Variants in MEGF10 observed in about 807,000 individuals in gnomAD.
MEGF10 encodes the protein multiple epidermal growth factor-like domains protein 10.
In MEGF10, 86 loss-of-function variants were observed where a neutral mutation model predicts 147.5. The ratio of observed to expected loss-of-function variants is 0.58; its 90% CI spans 0.49 to 0.70. The LOEUF is 0.70. Ranked by LOEUF, MEGF10 falls within the 30% of genes least tolerant of loss-of-function variation. The probability of loss-of-function intolerance (pLI) is 0.00; values close to 1 mark genes in which losing one functional copy is unlikely to be tolerated. For missense variants in MEGF10, 1,329 were observed against 1,487.3 expected, an observed-to-expected ratio of 0.89 and a Z score of 1.75; for synonymous variants, 478 against 525.5, an observed-to-expected ratio of 0.91 and a Z score of 1.24.
intron 24 of MEGF10, among the ~76,000 whole-genome samples, chr5:127,456,774 C>T (rs11743942): frequency 0.032 from 4,939 of 152,224 alleles, 85 homozygotes; most frequent in Middle Eastern, 0.051. Context: ...ACTGAATTAA[C>T]GTTTGAGAAT....
chr5:127,262,608 A>G, the MEGF10 span, among the ~76,000 whole-genome samples: 1 of 152,160 alleles, frequency 6.6e-6, no homozygotes, highest in Non-Finnish European at 1.5e-5. Context: ...TCCTAAACCT[A>G]TCAAGGATCA....
intron 16 of MEGF10, among the ~76,000 whole-genome samples, chr5:127,437,670 C>T (rs771034751): frequency 8.5e-5 from 13 of 152,190 alleles, no homozygotes; most frequent in East Asian, 1.9e-4. Context: ...TCTCTTCAAT[C>T]GGCAGTGACC....
intron 4 of MEGF10, among the ~76,000 whole-genome samples, chr5:127,354,711 C>T (rs1462571830): frequency 6.6e-6 from 1 of 152,218 alleles, no homozygotes; most frequent in African/African-American, 2.4e-5. Context: ...CTACCTCTGT[C>T]ATTTAAGTGA....
chr5:127,443,212 A>T (rs1765821409), intron 19 of MEGF10, 86 bp downstream of exon 19: 2 of 1,344,024 alleles, frequency 1.5e-6, no homozygotes, highest in South Asian at 3.7e-5. Context: ...CACTTATGTT[A>T]TCCAGCAGAA....
intron 16 of MEGF10, among the ~76,000 whole-genome samples, chr5:127,437,109 C>G (rs1177515769): frequency 6.6e-6 from 1 of 152,130 alleles, no homozygotes; most frequent in African/African-American, 2.4e-5. Context: ...AATGGGTTTA[C>G]AGAAGCTGGT....
the MEGF10 span, among the ~76,000 whole-genome samples, chr5:127,251,743 A>T: frequency 3.0e-4 from 45 of 152,162 alleles, no homozygotes; most frequent in African/African-American, 1.1e-3. Flanking sequence ...AAGAAAGCCT[A>T]TCGAAGTAAG....
intron 4 of MEGF10, among the ~76,000 whole-genome samples, chr5:127,356,769 C>A (rs1170707394): frequency 2.0e-5 from 3 of 152,162 alleles, no homozygotes; most frequent in African/African-American, 7.2e-5. Flanking sequence ...ATGGAATACT[C>A]ATCCTGCAGA....
the MEGF10 span, among the ~76,000 whole-genome samples, chr5:127,239,449 T>C: frequency 1.4e-5 from 2 of 143,896 alleles, no homozygotes; most frequent in Non-Finnish European, 3.0e-5. Context: ...TATATATATA[T>C]ATTATATATA....
intron 13 of MEGF10, among the ~76,000 whole-genome samples, chr5:127,427,120 G>A (rs747584549): frequency 1.3e-5 from 2 of 152,324 alleles, no homozygotes; most frequent in East Asian, 1.9e-4. Context: ...TAGCCCCTTG[G>A]GCAGGGGCTC....
intron 1 of MEGF10, among the ~76,000 whole-genome samples, chr5:127,323,743 G>T (rs1021463059): frequency 1.3e-5 from 2 of 152,206 alleles, no homozygotes; most frequent in African/African-American, 4.8e-5. Flanking sequence ...AGCTTAGCTG[G>T]TGGTTCTAGC....
At chr5:127,269,335 C>G in the MEGF10 span, among the ~76,000 whole-genome samples, 1 of 152,056 alleles carries the variant, frequency 6.6e-6, no homozygotes, top group Non-Finnish European at 1.5e-5. Context: ...AGTTAAAAAC[C>G]TCGAAAAAAT....
At chr5:127,378,359 A>C (rs1242745382) in intron 5 of MEGF10, among the ~76,000 whole-genome samples, 2 of 152,172 alleles carry the variant, frequency 1.3e-5, no homozygotes, top group Non-Finnish European at 2.9e-5. Context: ...CTTACACCAC[A>C]CTTCTTCACA....
At chr5:127,232,864 C>T in the MEGF10 span, among the ~76,000 whole-genome samples, 2 of 151,914 alleles carry the variant, frequency 1.3e-5, no homozygotes, top group South Asian at 2.1e-4. Context: ...GGAAGAAAAG[C>T]GAAATGTCTG....
At chr5:127,366,929 A>G (rs2126854569) in intron 4 of MEGF10, among the ~76,000 whole-genome samples, 1 of 152,354 alleles carries the variant, frequency 6.6e-6, no homozygotes, top group Middle Eastern at 3.4e-3. Flanking sequence ...GGATCCAACC[A>G]TATGCAATTC....
At chr5:127,308,820 A>G (rs1431111328) in intron 1 of MEGF10, among the ~76,000 whole-genome samples, 1 of 152,178 alleles carries the variant, frequency 6.6e-6, no homozygotes, top group African/African-American at 2.4e-5. Flanking sequence ...ATATGTAACT[A>G]AACTGCATGT....
the MEGF10 span, among the ~76,000 whole-genome samples, chr5:127,240,850 A>G: frequency 1.3e-5 from 2 of 152,230 alleles, no homozygotes; most frequent in Non-Finnish European, 2.9e-5. Context: ...ATTCCTCCAA[A>G]TGCATTTAAC....
the MEGF10 span, among the ~76,000 whole-genome samples, chr5:127,262,474 A>C: frequency 6.6e-6 from 1 of 152,186 alleles, no homozygotes; most frequent in Non-Finnish European, 1.5e-5. Context: ...GAGAGTTTAC[A>C]AGGGTGGGGA....
chr5:127,279,387 A>C, the MEGF10 span, among the ~76,000 whole-genome samples: 1 of 152,166 alleles, frequency 6.6e-6, no homozygotes, highest in African/African-American at 2.4e-5. Context: ...TGAGTAGCTG[A>C]GGTAGGATGG....
intron 1 of MEGF10, among the ~76,000 whole-genome samples, chr5:127,328,421 G>C (rs992402505): frequency 1.3e-5 from 2 of 152,018 alleles, no homozygotes; most frequent in African/African-American, 4.8e-5. Flanking sequence ...TTTCAAAAAT[G>C]GTACCTGCGA....
Sources: allele counts gnomAD v4.1 joint callset (sites outside exome capture counted in the v4.1 genomes callset), GRCh38; gene constraint gnomAD v4.1.1; transcripts MANE v1.5; gene names NCBI Gene and HGNC (gene_info 2026-07-23, HGNC 2026-07-21).